The following RNF123 variants were observed in gnomAD, a reference collection of about 807,000 sequenced individuals.
RNF123 encodes E3 ubiquitin-protein ligase RNF123.
A neutral mutation model predicts 168.5 loss-of-function variants in RNF123; 86 were observed. That is an observed-to-expected ratio of 0.51 (90% CI 0.43 to 0.61). RNF123 has a LOEUF of 0.61. Ranked by LOEUF, RNF123 falls within the 20% of genes least tolerant of loss-of-function variation. The probability of loss-of-function intolerance (pLI) is 0.00; values close to 1 mark genes in which losing one functional copy is unlikely to be tolerated. For synonymous variants in RNF123, 666 were observed against 689.1 expected, an observed-to-expected ratio of 0.97 and a Z score of 0.52; for missense variants, 1,419 against 1,729.7, an observed-to-expected ratio of 0.82 and a Z score of 3.19.
chr3:49,701,071 T>C (rs1176654124), intron 15 of RNF123, among the ~76,000 whole-genome samples: 1 of 152,272 alleles, frequency 6.6e-6, no homozygotes, highest in Non-Finnish European at 1.5e-5. Context: ...TGTTGGGAAC[T>C]GCATGAGTGA....
At chr3:49,718,578 C>G in intron 35 of RNF123, 1 of 1,613,098 alleles carries the variant, frequency 6.2e-7, no homozygotes, top group Non-Finnish European at 8.5e-7. Flanking sequence ...AGTAAAGCCT[C>G]AGGGACCGAC....
intron 21 of RNF123, 52 bp downstream of exon 21, chr3:49,703,580 G>A: frequency 1.4e-6 from 2 of 1,471,102 alleles, no homozygotes; most frequent in Non-Finnish European, 1.9e-6. Flanking sequence ...GTGGGGGACT[G>A]TCCCTGAGCC....
intron 26 of RNF123, among the ~76,000 whole-genome samples, chr3:49,712,104 A>C (rs1479179973): frequency 1.3e-5 from 2 of 152,108 alleles, no homozygotes; most frequent in African/African-American, 4.8e-5. Context: ...ACATACCTGT[A>C]GTCCCAGCTA....
chr3:49,720,529 A>G lies in RNF123; in HGVS notation c.3519A>G (p.Ser1173=). 2 of 1,600,688 alleles carry G rather than the reference A, an allele frequency of 1.2e-6. No homozygotes were observed. The highest frequency in any genetic ancestry group is 1.3e-5 in the African/African-American group (1 of 74,808). ...TACCTAGGAGAGAGCAAGCCACATC[A>G]GTGCTCCTGGCAGATCCCTGCTTCC... ...GPASEREQAT[S]VLLADPCFQL... is the part of the protein sequence containing the mutation. The change falls in exon 36 of 39, where the codon TCA becomes TCG. Residue 1173 remains serine, a synonymous_variant. Transcript: ENST00000327697.
rs761951437 is a variant in RNF123, at chr3:49,719,312, G to A, written c.3501-1199G>A. 14 of 1,613,120 alleles carry A rather than the reference G, an allele frequency of 8.7e-6. No homozygotes were observed. In the Admixed American group the frequency reaches 2.3e-4, roughly 27 times the overall value. ...GGTAACTCGGCTGGCACGTCCTGCA[G>A]CCCTAGGCCAGTGCAGCTTAGCAGG... is the stretch of plus-strand genomic sequence containing the variant. On this transcript the variant is annotated intron_variant, in intron 35 of 38. Coordinates refer to ENST00000327697, the MANE Select transcript of RNF123 (RefSeq NM_022064.5).
At position 49,706,871 on chromosome 3, in the gene RNF123, C is replaced by G; in HGVS notation, c.2469C>G (p.Ala823=). ...TGGACCACCTGAGCCGCCGTCTTGC[C>G]TGGGTCCATGCCACTGTCTACTCCC... The part of the protein sequence containing the change: ...EKLDHLSRRL[A]WVHATVYSQE... The change falls in exon 26 of 39, where the codon GCC becomes GCG. Residue 823 remains alanine (A), a synonymous_variant. Transcript: ENST00000327697. 1 of 1,614,204 alleles carries G rather than the reference C, an allele frequency of 6.2e-7. No homozygotes were observed. The highest frequency in any genetic ancestry group is 8.5e-7 in the Non-Finnish European group (1 of 1,180,004).
At chr3:49,710,510 C>A (rs2080123637) in intron 26 of RNF123, among the ~76,000 whole-genome samples, 2 of 150,566 alleles carry the variant, frequency 1.3e-5, no homozygotes, top group African/African-American at 4.9e-5. Context: ...AAACTCCTGA[C>A]CTTAGGTGAT....
chr3:49,703,424 C>A lies in RNF123; in HGVS notation c.1751-3C>A. 6.2e-7 allele frequency: 1 copy of A among 1,613,158 alleles called. No homozygotes were observed. The highest frequency in any genetic ancestry group is 8.5e-7 in the Non-Finnish European group (1 of 1,179,244). On this transcript the variant is annotated splice_polypyrimidine_tract_variant and splice_region_variant and intron_variant, in intron 20 of 38. Coordinates refer to ENST00000327697, the MANE Select transcript of RNF123 (RefSeq NM_022064.5). ...CTGGCCTAGCCTCCTCAATTCCTCG[C>A]AGAGGCCTACATCCCGCCCCAGGTC...
At chr3:49,718,304 GTGTGGTGAAGCC>G in intron 35 of RNF123, 1 of 1,613,260 alleles carries the variant, frequency 6.2e-7, no homozygotes, top group Non-Finnish European at 8.5e-7. Flanking sequence ...CAGCCCAGCA[GTGTGGTGAAGCC>G]TGTGTTGAAA....
intron 27 of RNF123, 48 bp downstream of exon 27, chr3:49,712,704 G>A: frequency 6.3e-7 from 1 of 1,596,804 alleles, no homozygotes; most frequent in Admixed American, 1.7e-5. Flanking sequence ...GGGGTCTCTA[G>A]TGTGAGCCCT....
At position 49,705,529 on chromosome 3, in the gene RNF123, C is replaced by G; in HGVS notation, c.2159-5C>G. The G allele has an allele frequency of 6.3e-7, 1 of 1,584,922 alleles. No homozygotes were observed. The highest frequency in any genetic ancestry group is 8.6e-7 in the Non-Finnish European group (1 of 1,166,596). The stretch of plus-strand genomic sequence containing the variant: ...CCCTTGACCCTTCCCTCCCCAACTC[C>G]CCAGTTGAAGGCAGCCACTGGAATG... On this transcript the variant is annotated splice_region_variant and splice_polypyrimidine_tract_variant and intron_variant, in intron 23 of 38. Coordinates refer to ENST00000327697, the MANE Select transcript of RNF123 (RefSeq NM_022064.5).
At position 49,721,364 on chromosome 3, in the gene RNF123, C is replaced by T; in HGVS notation, c.*59C>T. 1 of 1,609,606 alleles carries T rather than the reference C, an allele frequency of 6.2e-7. No homozygotes were observed. Among genetic ancestry groups the T allele is most frequent in the Non-Finnish European group, 8.5e-7 (1 of 1,176,040 alleles). ...CTTTGAACCCAGAGCCAGGCTGGGC[C>T]CTATTTATGAGCTCCCTTTGCCCTT... On this transcript the variant is annotated 3_prime_UTR_variant, in exon 39 of 39. Coordinates refer to ENST00000327697, the MANE Select transcript of RNF123 (RefSeq NM_022064.5).
At chr3:49,706,116 A>C (rs543222339) in intron 25 of RNF123, 51 bp downstream of exon 25, 4 of 1,520,786 alleles carry the variant, frequency 2.6e-6, no homozygotes, top group Non-Finnish European at 3.7e-6. Flanking sequence ...TCGTACAGGT[A>C]ACCACAGATG....
intron 27 of RNF123, chr3:49,712,857 C>T: frequency 2.8e-6 from 2 of 714,466 alleles, no homozygotes; most frequent in Non-Finnish European, 5.1e-6. Flanking sequence ...GAGCCAACAG[C>T]TCCCTAGCAA....
chr3:49,706,706 G>T, intron 25 of RNF123, 85 bp from the exon 26 acceptor site: 1 of 1,167,416 alleles, frequency 8.6e-7, no homozygotes, highest in East Asian at 2.3e-5. Flanking sequence ...GCACTAGAGG[G>T]CCCTTCCTAG....
Position 49,705,914 on chromosome 3 carries a change from C to G in RNF123, c.2305-68C>G, listed in dbSNP as rs1221507124. 3 of 1,555,748 alleles carry G rather than the reference C, an allele frequency of 1.9e-6. No homozygotes were observed. In the African/African-American group the frequency reaches 4.1e-5, roughly 21 times the overall value. ...GACCTTGGCAGGGCTGGGGTCCAGACTGGGTCTGAAGAAGCCTGGATGAAG... is the reference window on the plus strand; with the variant it reads ...GACCTTGGCAGGGCTGGGGTCCAGAGTGGGTCTGAAGAAGCCTGGATGAAG... On this transcript the variant is annotated intron_variant, in intron 24 of 38. Transcript: ENST00000327697.
intron 35 of RNF123, 38 bp downstream of exon 35, chr3:49,716,515 G>A: frequency 6.4e-7 from 1 of 1,573,922 alleles, no homozygotes; most frequent in Non-Finnish European, 8.7e-7. Context: ...TGGGAGTTGG[G>A]TGTGTCTGGT....
intron 26 of RNF123, among the ~76,000 whole-genome samples, chr3:49,709,527 C>T (rs1182796178): frequency 6.6e-6 from 1 of 152,080 alleles, no homozygotes. Flanking sequence ...GTCTCGATCT[C>T]CTGACCTCGT....
chr3:49,721,427 C>G lies in RNF123; in HGVS notation c.*122C>G. 7.6e-7 allele frequency: 1 copy of G among 1,320,340 alleles called. No homozygotes were observed. 81.8% of individuals were successfully genotyped at this position (1,320,340 alleles called of 1,614,324 possible). ...ACACCACCACATCCAACCTCCTTGC[C>G]TGCCTGTATCCTCATTGGTGGGAGC... On this transcript the variant is annotated 3_prime_UTR_variant, in exon 39 of 39. Coordinates refer to ENST00000327697, the MANE Select transcript of RNF123 (RefSeq NM_022064.5).
Sources: allele counts gnomAD v4.1 joint callset (sites outside exome capture counted in the v4.1 genomes callset), GRCh38; gene constraint gnomAD v4.1.1; transcripts MANE v1.5; gene names NCBI Gene and HGNC (gene_info 2026-07-23, HGNC 2026-07-21).